TMEM35B: variants seen among roughly 807,000 people sequenced by gnomAD.
The protein encoded by TMEM35B is transmembrane protein 35B.
Under a neutral mutation model 8.7 loss-of-function variants are expected in TMEM35B, and 6 were observed. The ratio of observed to expected loss-of-function variants is 0.69; its 90% CI spans 0.38 to 1.36. The LOEUF is 1.36. Ranked by LOEUF, TMEM35B falls within the 40% of genes most tolerant of loss-of-function variation. The pLI is 0.02. For synonymous variants in TMEM35B, 89 were observed against 87.0 expected, an observed-to-expected ratio of 1.02 and a Z score of -0.13; for missense variants, 176 against 181.6, an observed-to-expected ratio of 0.97 and a Z score of 0.18.
intron 2 of TMEM35B, among the ~76,000 whole-genome samples, chr1:34,982,634 G>A (rs1241569669): frequency 2.0e-5 from 3 of 151,856 alleles, no homozygotes; most frequent in Non-Finnish European, 2.9e-5. Flanking sequence ...GCACCACCAC[G>A]CCCGGCTAAT....
In TMEM35B at chr1:34,982,133, T is replaced by C; in HGVS notation, c.290-14A>G. The C allele has an allele frequency of 6.5e-7, 1 of 1,533,452 alleles. No homozygotes were observed. Among genetic ancestry groups the C allele is most frequent in the Non-Finnish European group, 8.8e-7 (1 of 1,139,216 alleles). 95.0% of individuals were successfully genotyped at this position (1,533,452 alleles called of 1,614,324 possible). A position where few individuals can be genotyped will look rare whatever the true frequency, so the allele number is the denominator to read the frequency against. Reference sequence around the variant, plus strand: ...TGAAGATAGCCCCTGGAATGGAAAGTGAGGTCCCTGAGGCTCCTTGGAAGA... The same window carrying C: ...TGAAGATAGCCCCTGGAATGGAAAGCGAGGTCCCTGAGGCTCCTTGGAAGA... On this transcript the variant is annotated splice_polypyrimidine_tract_variant and intron_variant, in intron 2 of 2. Transcript: ENST00000373337.
At chr1:34,984,022 C>A in intron 1 of TMEM35B, 75 bp from the exon 2 acceptor site, 5 of 1,306,022 alleles carry the variant, frequency 3.8e-6, no homozygotes, top group Non-Finnish European at 5.0e-6. Context: ...CATGGCATAT[C>A]TATGCCTGTG....
At chr1:34,984,985 G>A (rs1251323581) in intron 1 of TMEM35B, among the ~76,000 whole-genome samples, 1 of 151,906 alleles carries the variant, frequency 6.6e-6, no homozygotes, top group Non-Finnish European at 1.5e-5. Context: ...AGGAAGGGGA[G>A]GTTCTGTCCC....
intron 1 of TMEM35B, among the ~76,000 whole-genome samples, chr1:34,984,488 CAGCTCTAAGCTGT>C (rs1640542724): frequency 6.6e-6 from 1 of 152,224 alleles, no homozygotes; most frequent in Non-Finnish European, 1.5e-5. Context: ...TGCTGGGAAG[CAGCTCTAAGCTGT>C]CTGTCTCTGG....
intron 2 of TMEM35B, among the ~76,000 whole-genome samples, chr1:34,982,633 C>G (rs1192432836): frequency 6.6e-6 from 1 of 151,876 alleles, no homozygotes; most frequent in African/African-American, 2.4e-5. Context: ...CGCACCACCA[C>G]GCCCGGCTAA....
At chr1:34,983,617 G>C (rs747051860) in intron 2 of TMEM35B, 150 bp downstream of exon 2, 93 of 359,584 alleles carry the variant, frequency 2.6e-4, no homozygotes, top group Non-Finnish European at 4.2e-4. Flanking sequence ...ACCTGTGCTA[G>C]TTTGAAGACC....
exon 3 of TMEM35B, chr1:34,982,069 G>C (rs1053017558): frequency 6.5e-7 from 1 of 1,549,120 alleles, no homozygotes; most frequent in Admixed American, 2.0e-5. Flanking sequence ...ACAATGGCTG[G>C]GATACAGGTG....
chr1:34,984,871 G>A (rs189885029), intron 1 of TMEM35B, among the ~76,000 whole-genome samples: 1 of 152,176 alleles, frequency 6.6e-6, no homozygotes, highest in East Asian at 1.9e-4. Flanking sequence ...GAAGAGAGCG[G>A]GAAGTGAGCT....
chr1:34,982,298 C>T (rs1640516136), intron 2 of TMEM35B, among the ~76,000 whole-genome samples, 179 bp from the exon 3 acceptor site: 2 of 152,176 alleles, frequency 1.3e-5, no homozygotes, highest in Admixed American at 6.5e-5. Flanking sequence ...CTGGAGAAAG[C>T]AGGACCAGGA....
In TMEM35B at chr1:34,983,557, C is replaced by T. The variant is rs1011346316; in HGVS notation, c.289+210G>A. 8.6e-4 allele frequency among the ~76,000 whole-genome samples: 98 copies of T among 114,296 alleles called. 1 individual carries two copies. The highest frequency in any genetic ancestry group is 5.2e-4 in the Admixed American group (4 of 7,718). The allele number at this position is 114,296 out of a possible 152,430, so 75.0% of individuals were successfully genotyped here. On this transcript the variant is annotated intron_variant, in intron 2 of 2. Coordinates refer to ENST00000373337, the Ensembl canonical transcript of TMEM35B. ...TAGTGCCACTGCAGTCCAGCCTGGG[C>T]GAAAGAGCGAGACTCCATCTCAAAA...
Position 34,985,140 on chromosome 1 carries a change from AG to A in TMEM35B, c.108+57del, listed in dbSNP as rs111968478. ...TGCCGGGCCGGGGGCGAGGAGCGGC[AG>A]GGCGGAGCACACGCCGCCGCGGGCC... is the stretch of plus-strand genomic sequence containing the variant. On this transcript the variant is annotated intron_variant, in intron 1 of 2. Transcript: ENST00000373337. 1.7e-5 allele frequency: 23 copies of A among 1,349,260 alleles called. 1 individual carries two copies. The highest frequency in any genetic ancestry group is 1.2e-4 in the African/African-American group (8 of 65,034). The allele number at this position is 1,349,260 out of a possible 1,614,324, so 83.6% of individuals were successfully genotyped here. A position where few individuals can be genotyped will look rare whatever the true frequency, so the allele number is the denominator to read the frequency against.
At chr1:34,981,834 C>G in exon 3 of TMEM35B, 1 of 1,176,852 alleles carries the variant, frequency 8.5e-7, no homozygotes, top group South Asian at 2.2e-5. Context: ...CAAAATGTCT[C>G]TTTCAACACT....
chr1:34,982,123 G>A lies in TMEM35B; in HGVS notation c.290-4C>T, dbSNP rs1191381170. ...GCTGCCAAGGTGAAGATAGCCCCTG[G>A]AATGGAAAGTGAGGTCCCTGAGGCT... On this transcript the variant is annotated splice_polypyrimidine_tract_variant and splice_region_variant and intron_variant, in intron 2 of 2. Coordinates refer to ENST00000373337, the Ensembl canonical transcript of TMEM35B. 1 of 1,541,274 alleles carries A rather than the reference G, an allele frequency of 6.5e-7. No homozygotes were observed. Among genetic ancestry groups the A allele is most frequent in the South Asian group, 1.2e-5 (1 of 82,846 alleles).
rs1409432393 is a variant in TMEM35B, at chr1:34,983,955, T to A, written c.109-8A>T. ...CTGCACGAACAGGGCATTCTAGGGGTGGCAAGGAATGCCTGTTAGCCTCAT... is the reference window on the plus strand; with the variant it reads ...CTGCACGAACAGGGCATTCTAGGGGAGGCAAGGAATGCCTGTTAGCCTCAT... On this transcript the variant is annotated splice_region_variant and splice_polypyrimidine_tract_variant and intron_variant, in intron 1 of 2. Coordinates refer to ENST00000373337, the Ensembl canonical transcript of TMEM35B. 5.4e-6 allele frequency: 8 copies of A among 1,473,620 alleles called. No homozygotes were observed. The Admixed American group carries it at 1.6e-4, about 30-fold the overall frequency. The allele number at this position is 1,473,620 out of a possible 1,614,324, so 91.3% of individuals were successfully genotyped here.
chr1:34,982,015 C>T (rs1258238205), exon 3 of TMEM35B: 2 of 1,550,534 alleles, frequency 1.3e-6, no homozygotes, highest in African/African-American at 2.7e-5. Context: ...TTAGTCTGGG[C>T]TAAGAGCTGG....
intron 2 of TMEM35B, 80 bp downstream of exon 2, chr1:34,983,687 A>G: frequency 8.1e-7 from 1 of 1,230,856 alleles, no homozygotes; most frequent in Non-Finnish European, 1.1e-6. Context: ...AAGGGTGGCA[A>G]CAGTAAGGGG....
intron 2 of TMEM35B, among the ~76,000 whole-genome samples, chr1:34,982,856 G>A (rs1345509780): frequency 6.6e-6 from 1 of 152,182 alleles, no homozygotes. Context: ...TGGAGGTATG[G>A]GAAAGATCTG....
chr1:34,983,886 T>C, exon 2 of TMEM35B: 1 of 1,544,694 alleles, frequency 6.5e-7, no homozygotes, highest in South Asian at 1.2e-5. Flanking sequence ...GTTCAGGGGA[T>C]CTGGCTGGTA....
chr1:34,981,837 T>G, exon 3 of TMEM35B: 2 of 1,201,216 alleles, frequency 1.7e-6, no homozygotes, highest in Non-Finnish European at 2.2e-6. Flanking sequence ...AATGTCTCTT[T>G]CAACACTGGC....
Sources: gnomAD v4.1 joint callset for allele counts (sites outside exome capture counted in the v4.1 genomes callset) on GRCh38, gnomAD v4.1.1 for gene constraint, MANE v1.5 for transcripts, NCBI Gene and HGNC (gene_info 2026-07-23, HGNC 2026-07-21) for gene names.